PPP4R4: variants seen among roughly 807,000 people sequenced by gnomAD.
PPP4R4 encodes the protein protein phosphatase 4 regulatory subunit 4.
PPP4R4 carries 70 observed loss-of-function variants against 121.8 expected under a neutral mutation model. The observed-to-expected ratio is 0.57, with a 90% CI of 0.47 to 0.70. The LOEUF (loss-of-function observed/expected upper bound fraction) is 0.70. Ranked by LOEUF, PPP4R4 falls within the 30% of genes least tolerant of loss-of-function variation. PPP4R4 has a pLI of 0.00. For synonymous variants in PPP4R4, 348 were observed against 355.7 expected (o/e 0.98, Z 0.24); for missense variants, 875 against 1,033.6 (o/e 0.85, Z 2.10).
chr14:94,251,924 G>C, intron 16 of PPP4R4, 28 bp downstream of exon 16: 1 of 1,535,712 alleles, frequency 6.5e-7, no homozygotes, highest in Non-Finnish European at 8.8e-7. Context: ...GAAAATATTG[G>C]AAATTGTATT....
chr14:94,266,509 C>G (rs536638928), intron 22 of PPP4R4, among the ~76,000 whole-genome samples: 2 of 152,212 alleles, frequency 1.3e-5, no homozygotes, highest in East Asian at 3.9e-4. Context: ...ATTCCTTTGT[C>G]TATCAAGATA....
intron 2 of PPP4R4, among the ~76,000 whole-genome samples, chr14:94,185,151 A>G (rs1449820473): frequency 6.6e-6 from 1 of 152,158 alleles, no homozygotes; most frequent in Admixed American, 6.6e-5. Context: ...TCATTTACTT[A>G]CTGAGAGACC....
chr14:94,251,757 C>A lies in PPP4R4; in HGVS notation c.1726C>A (p.Gln576Lys). ...TTTGTTGTTGTTTCTAGAATTGGGC[C>A]AAGGAAAAAGTTACTGGAATAGACT... ...VIQKLIEQLG[Q>K]GKSYWNRLRF... is the part of the protein sequence containing the mutation. The change falls in exon 16 of 25, where the codon CAA becomes AAA. Residue 576 changes from glutamine (Q) to lysine (K), a missense_variant. Transcript: ENST00000304338. The A allele has an allele frequency of 6.5e-7, 1 of 1,540,954 alleles. No homozygotes were observed. The highest frequency in any genetic ancestry group is 1.3e-5 in the South Asian group (1 of 78,844).
chr14:94,245,228 G>A (rs532594219), intron 12 of PPP4R4, among the ~76,000 whole-genome samples: 4 of 152,154 alleles, frequency 2.6e-5, no homozygotes, highest in East Asian at 1.9e-4. Context: ...TTGCCAAAGC[G>A]CAGCTCATGA....
chr14:94,184,238 C>G (rs1889138044), intron 2 of PPP4R4, among the ~76,000 whole-genome samples: 1 of 152,062 alleles, frequency 6.6e-6, no homozygotes, highest in East Asian at 1.9e-4. Context: ...AGAGGGCTCA[C>G]CATACCAAGT....
intron 17 of PPP4R4, 23 bp from the exon 18 acceptor site, chr14:94,258,756 GAATA>G (rs1371684708): frequency 1.3e-6 from 2 of 1,487,860 alleles, no homozygotes; most frequent in Admixed American, 3.5e-5. Context: ...AATTACTTTA[GAATA>G]ATTTTAAAAA....
At chr14:94,175,817 C>G (rs1888648723) in intron 1 of PPP4R4, 1 of 539,476 alleles carries the variant, frequency 1.9e-6, no homozygotes, top group South Asian at 2.6e-5. Flanking sequence ...AGTCCAGGAG[C>G]TAGAAGGATA....
chr14:94,230,508 T>G, intron 3 of PPP4R4, 79 bp from the exon 4 acceptor site: 1 of 1,347,690 alleles, frequency 7.4e-7, no homozygotes, highest in South Asian at 1.4e-5. Context: ...CTATTTAGTT[T>G]CTACAACCTT....
intron 2 of PPP4R4, among the ~76,000 whole-genome samples, chr14:94,187,260 C>T (rs971223133): frequency 2.0e-5 from 3 of 151,916 alleles, no homozygotes; most frequent in South Asian, 2.1e-4. Flanking sequence ...GAGCCAAGAT[C>T]GCGCCACTGT....
At chr14:94,212,881 A>C (rs2139462493) in intron 3 of PPP4R4, among the ~76,000 whole-genome samples, 1 of 152,330 alleles carries the variant, frequency 6.6e-6, no homozygotes, top group African/African-American at 2.4e-5. Flanking sequence ...AATCCAATGC[A>C]AAAAACACTC....
At chr14:94,216,107 T>A (rs1271066325) in intron 3 of PPP4R4, among the ~76,000 whole-genome samples, 2 of 152,216 alleles carry the variant, frequency 1.3e-5, no homozygotes, top group Non-Finnish European at 2.9e-5. Context: ...TTTAAATGTG[T>A]AGTTAAGCTT....
chr14:94,195,307 A>G (rs1255903049), intron 2 of PPP4R4, among the ~76,000 whole-genome samples: 1 of 152,226 alleles, frequency 6.6e-6, no homozygotes. Context: ...CAACTGAACC[A>G]GAATCTCTGG....
chr14:94,254,402 A>G (rs983000126), intron 16 of PPP4R4, among the ~76,000 whole-genome samples: 1 of 152,212 alleles, frequency 6.6e-6, no homozygotes, highest in Non-Finnish European at 1.5e-5. Flanking sequence ...GAAATAATTT[A>G]TTTGGGGGGA....
intron 2 of PPP4R4, among the ~76,000 whole-genome samples, chr14:94,188,555 A>G (rs942779801): frequency 6.6e-5 from 10 of 152,076 alleles, no homozygotes; most frequent in Non-Finnish European, 1.0e-4. Flanking sequence ...GGATATGTCT[A>G]TCTTGCCTAA....
intron 23 of PPP4R4, among the ~76,000 whole-genome samples, chr14:94,273,822 A>T (rs542655740): frequency 6.6e-6 from 1 of 152,244 alleles, no homozygotes; most frequent in South Asian, 2.1e-4. Context: ...CATATTAAAG[A>T]AACAAAAACA....
Position 94,243,355 on chromosome 14 carries a change from G to A in PPP4R4, c.1266+947G>A, listed in dbSNP as rs138654046. Among the ~76,000 whole-genome samples, 386 of 152,192 alleles carry A rather than the reference G, an allele frequency of 2.5e-3. 2 individuals carry two copies. Among genetic ancestry groups the A allele is most frequent in the Middle Eastern group, 0.014 (4 of 294 alleles). ...AGAACTCTGCTTTCGGAGGAGCGGG[G>A]ATAGGGCAGAAAGCACTGGCCAGCT... On this transcript the variant is annotated intron_variant, in intron 11 of 24. Coordinates refer to ENST00000304338, the MANE Select transcript of PPP4R4 (RefSeq NM_058237.2).
At chr14:94,222,687 T>C (rs967833064) in intron 3 of PPP4R4, among the ~76,000 whole-genome samples, 2 of 152,054 alleles carry the variant, frequency 1.3e-5, no homozygotes, top group Non-Finnish European at 2.9e-5. Context: ...GCATTTTAAA[T>C]AGATGTTTTT....
At chr14:94,227,607 G>A in intron 3 of PPP4R4, 1 of 1,258,352 alleles carries the variant, frequency 7.9e-7, no homozygotes, top group Non-Finnish European at 1.0e-6. Context: ...CGGGAGTCAA[G>A]ACTAAGTAAT....
chr14:94,269,939 A>C (rs1402271866), intron 23 of PPP4R4, among the ~76,000 whole-genome samples: 2 of 152,198 alleles, frequency 1.3e-5, no homozygotes, highest in Admixed American at 6.5e-5. Flanking sequence ...CTATTAGATA[A>C]AATAATAACT....
Sources: allele counts gnomAD v4.1 joint callset (sites outside exome capture counted in the v4.1 genomes callset), GRCh38; gene constraint gnomAD v4.1.1; transcripts MANE v1.5; gene names NCBI Gene and HGNC (gene_info 2026-07-23, HGNC 2026-07-21).